The following TTLL6 variants were observed in gnomAD, a reference collection of about 807,000 sequenced individuals.
TTLL6 encodes tubulin tyrosine ligase like 6, also known as tubulin polyglutamylase TTLL6.
A neutral mutation model predicts 96.4 loss-of-function variants in TTLL6; 75 were observed. The observed-to-expected ratio is 0.78, with a 90% CI of 0.65 to 0.94. TTLL6 has a LOEUF of 0.94. Ranked by LOEUF, TTLL6 falls within the 40% of genes least tolerant of loss-of-function variation. The pLI is 0.00. For synonymous variants in TTLL6, 411 were observed against 419.4 expected, an observed-to-expected ratio of 0.98 and a Z score of 0.24; for missense variants, 1,030 against 1,093.0, an observed-to-expected ratio of 0.94 and a Z score of 0.81.
At chr17:48,807,343 G>T (rs543381181) in intron 1 of TTLL6, among the ~76,000 whole-genome samples, 2 of 151,628 alleles carry the variant, frequency 1.3e-5, no homozygotes, top group Non-Finnish European at 2.9e-5. Context: ...CACCTGCCTC[G>T]GCCTCCCAAA....
intron 7 of TTLL6, 120 bp from the exon 8 acceptor site, chr17:48,796,266 G>A: frequency 1.4e-6 from 1 of 735,702 alleles, no homozygotes; most frequent in Non-Finnish European, 2.2e-6. Context: ...AAGTTTTAGG[G>A]CTTATTTAGT....
intron 1 of TTLL6, among the ~76,000 whole-genome samples, chr17:48,807,007 GCAA>G (rs1206829845): frequency 2.0e-5 from 3 of 151,582 alleles, no homozygotes; most frequent in Non-Finnish European, 4.4e-5. Flanking sequence ...TGCAGCCTGG[GCAA>G]CAACAGCGAG....
At chr17:48,787,724 C>T (rs1371609876) in intron 11 of TTLL6, 87 bp downstream of exon 11, 2 of 1,358,658 alleles carry the variant, frequency 1.5e-6, no homozygotes, top group Non-Finnish European at 2.0e-6. Flanking sequence ...GCTGGGGACT[C>T]TCCCTGCCAC....
At chr17:48,803,769 T>C in intron 3 of TTLL6, 122 bp downstream of exon 3, 1 of 1,012,622 alleles carries the variant, frequency 9.9e-7, no homozygotes, top group Non-Finnish European at 1.5e-6. Flanking sequence ...CTAGGAGAAC[T>C]GAAGGACAGG....
At chr17:48,811,068 CTTTTTT>C (rs35618180) in intron 1 of TTLL6, among the ~76,000 whole-genome samples, 1 of 110,550 alleles carries the variant, frequency 9.0e-6, no homozygotes, top group Non-Finnish European at 1.8e-5. Flanking sequence ...TATTATTTTT[CTTTTTT>C]TTTTTTTTTT....
chr17:48,805,071 A>AC, intron 1 of TTLL6, 80 bp from the exon 2 acceptor site: 1 of 1,156,608 alleles, frequency 8.6e-7, no homozygotes, highest in Non-Finnish European at 1.2e-6. Flanking sequence ...GTGGGTAGAG[A>AC]CCCAGGGTTC....
intron 13 of TTLL6, among the ~76,000 whole-genome samples, chr17:48,776,239 G>A (rs907190821): frequency 6.6e-6 from 1 of 152,110 alleles, no homozygotes; most frequent in Non-Finnish European, 1.5e-5. Flanking sequence ...GGCCAAGGTG[G>A]GCGGATCACG....
At chr17:48,770,793 AT>A (rs968574051) in intron 13 of TTLL6, among the ~76,000 whole-genome samples, 1 of 151,844 alleles carries the variant, frequency 6.6e-6, no homozygotes, top group African/African-American at 2.4e-5. Flanking sequence ...GATTACAGGC[AT>A]GAGCCTGTAA....
rs1275379951 is a variant in TTLL6 at position 48,762,350 on chromosome 17, T to A, written c.*624A>T. The A allele has an allele frequency of 6.6e-6, 1 of 152,198 alleles. No homozygotes were observed. Among genetic ancestry groups the A allele is most frequent in the Non-Finnish European group, 1.5e-5 (1 of 68,056 alleles). The allele number at this position is 152,198 out of a possible 1,614,324, so 9.4% of individuals were successfully genotyped here. On this transcript the variant is annotated 3_prime_UTR_variant, in exon 16 of 16. Transcript: ENST00000393382. The stretch of plus-strand genomic sequence containing the variant: ...TGGGTACTCTCGCCTCACCTCTGTT[T>A]TCACTGGTGAGATTAAGTTGGGCTG...
intron 1 of TTLL6, among the ~76,000 whole-genome samples, chr17:48,814,607 G>C (rs1349353240): frequency 6.6e-6 from 1 of 152,252 alleles, no homozygotes; most frequent in East Asian, 1.9e-4. Context: ...TTGGCCACCA[G>C]GGGGAGGGAA....
chr17:48,777,496 C>G (rs1039780530), intron 13 of TTLL6, among the ~76,000 whole-genome samples: 16 of 152,102 alleles, frequency 1.1e-4, no homozygotes, highest in Middle Eastern at 3.4e-3. Flanking sequence ...TTTGGGAGGC[C>G]GAGGCGGGTG....
intron 13 of TTLL6, among the ~76,000 whole-genome samples, chr17:48,784,157 C>T (rs2039041300): frequency 6.6e-6 from 1 of 152,126 alleles, no homozygotes; most frequent in Non-Finnish European, 1.5e-5. Flanking sequence ...GGCGTGGTGG[C>T]TCACGTCTGT....
At chr17:48,816,834 C>T in intron 1 of TTLL6, 136 bp downstream of exon 1, 1 of 598,526 alleles carries the variant, frequency 1.7e-6, no homozygotes, top group African/African-American at 1.9e-5. Context: ...TGGAACGCCA[C>T]CAGGGAGGGC....
chr17:48,813,050 T>C (rs769109038), intron 1 of TTLL6, among the ~76,000 whole-genome samples: 17 of 152,170 alleles, frequency 1.1e-4, no homozygotes, highest in Non-Finnish European at 2.4e-4. Flanking sequence ...TACTCTTTCC[T>C]CTATTACAGA....
intron 13 of TTLL6, among the ~76,000 whole-genome samples, chr17:48,780,911 T>C (rs1312810346): frequency 2.0e-5 from 3 of 152,182 alleles, no homozygotes; most frequent in African/African-American, 7.2e-5. Context: ...GGCATTTGGG[T>C]TGCTTCTACC....
chr17:48,784,220 A>G (rs2039042755), intron 13 of TTLL6, among the ~76,000 whole-genome samples: 1 of 152,148 alleles, frequency 6.6e-6, no homozygotes, highest in Admixed American at 6.5e-5. Context: ...CAGCCTGGGC[A>G]ACATGGTGAA....
Position 48,799,727 on chromosome 17 carries a change from T to C in TTLL6, c.645A>G (p.Arg215=). ...GCTTACAAATGTATGTCTTATTTTT[T>C]CTTGACCTGCTGTAGGTCTGCAAAT... is the stretch of plus-strand genomic sequence containing the variant. ...WGDLQTYSRS[R]KNKTYICKPD... Residue 215 remains arginine, a synonymous_variant, in exon 6 of 16, where the codon AGA becomes AGG. Coordinates refer to ENST00000393382, the MANE Select transcript of TTLL6 (RefSeq NM_001130918.3). 1 of 1,551,748 alleles carries C rather than the reference T, an allele frequency of 6.4e-7. No homozygotes were observed. The highest frequency in any genetic ancestry group is 8.7e-7 in the Non-Finnish European group (1 of 1,147,000).
At position 48,787,920 on chromosome 17, in the gene TTLL6, G is replaced by A. The variant is rs763254175; in HGVS notation, c.1480C>T (p.Arg494Ter). 48 of 1,613,952 alleles carry A rather than the reference G, an allele frequency of 3.0e-5. No individual in the cohort carries two copies. Among genetic ancestry groups the A allele is most frequent in the South Asian group, 1.4e-4 (13 of 91,080 alleles). Residue 494 changes from arginine (R) to a stop codon, truncating the protein, a stop_gained, in exon 11 of 16, where the codon CGA becomes TGA. Transcript: ENST00000393382. LOFTEE classifies it high-confidence loss of function. The stretch of plus-strand genomic sequence containing the variant: ...GAATTCAGACTGGGATAAATCAGTC[G>A]GAACCCTCCACAGTTTTCCTTCTCA... ...TYEKENCGGF[R>*]LIYPSLNSEK...
chr17:48,764,840 C>A (rs1229074323), intron 15 of TTLL6, among the ~76,000 whole-genome samples: 1 of 152,132 alleles, frequency 6.6e-6, no homozygotes, highest in African/African-American at 2.4e-5. Context: ...GTTCTGAGAT[C>A]TGGTGACCCC....
Sources: allele counts gnomAD v4.1 joint callset (sites outside exome capture counted in the v4.1 genomes callset), GRCh38; gene constraint gnomAD v4.1.1; transcripts MANE v1.5; gene names NCBI Gene and HGNC (gene_info 2026-07-23, HGNC 2026-07-21).